The following DAB1 variants were observed in gnomAD, a reference collection of about 807,000 sequenced individuals.
DAB1 encodes the protein disabled homolog 1.
Under a neutral mutation model 64.6 loss-of-function variants are expected in DAB1, and 15 were observed. The ratio of observed to expected loss-of-function variants is 0.23; its 90% CI spans 0.16 to 0.36. DAB1 has a LOEUF of 0.36. Ranked by LOEUF, DAB1 falls within the 10% of genes least tolerant of loss-of-function variation. The pLI is 1.00. For missense variants in DAB1, 596 were observed against 706.7 expected (o/e 0.84, Z 1.78); for synonymous variants, 235 against 251.9 (o/e 0.93, Z 0.64).
chr1:57,071,365 T>G, intron 6 of DAB1, 157 bp downstream of exon 6: 1 of 853,454 alleles, frequency 1.2e-6, no homozygotes, highest in South Asian at 1.8e-5. Context: ...AAGGAATAAT[T>G]TCTAATGGCT....
At chr1:58,128,067 G>A (rs542670026) in intron 5 of DAB1, among the ~76,000 whole-genome samples, 12 of 150,860 alleles carry the variant, frequency 8.0e-5, no homozygotes, top group African/African-American at 1.9e-4. Flanking sequence ...CCATTTTCAC[G>A]ATATTGATTC....
Position 58,078,389 on chromosome 1 carries a change from T to C in DAB1, n.387+72122A>G, listed in dbSNP as rs559410181. On this transcript the variant is annotated intron_variant and non_coding_transcript_variant, in intron 5 of 20. Transcript: ENST00000485760. ...GGGGATAATTGATGTATGTTCCTCA[T>C]AGTGTCAAAGTGAGGATCAAATAGG... Among the ~76,000 whole-genome samples the C allele has an allele frequency of 1.7e-4, 26 of 152,342 alleles. 1 individual carries two copies. The South Asian group carries it at 3.3e-3, about 19-fold the overall frequency.
intron 6 of DAB1, among the ~76,000 whole-genome samples, chr1:57,789,858 T>G (rs1226418772): frequency 6.6e-6 from 1 of 152,178 alleles, no homozygotes; most frequent in Non-Finnish European, 1.5e-5. Flanking sequence ...ACCAAGAAGA[T>G]TTCTTGTCAG....
At chr1:58,162,813 A>C (rs1655612709) in intron 4 of DAB1, among the ~76,000 whole-genome samples, 1 of 152,180 alleles carries the variant, frequency 6.6e-6, no homozygotes, top group South Asian at 2.1e-4. Flanking sequence ...GCTGCTGCCA[A>C]GGGAAGGAAT....
intron 7 of DAB1, among the ~76,000 whole-genome samples, chr1:57,614,560 T>C (rs1325785192): frequency 1.3e-5 from 2 of 152,204 alleles, no homozygotes; most frequent in African/African-American, 2.4e-5. Flanking sequence ...ATTAAAACAT[T>C]TGTAAGGAGT....
chr1:58,315,706 A>T (rs1442062423), intron 4 of DAB1, among the ~76,000 whole-genome samples: 1 of 152,152 alleles, frequency 6.6e-6, no homozygotes, highest in Non-Finnish European at 1.5e-5. Context: ...TGTCACAATG[A>T]TAGGGCTGCA....
intron 6 of DAB1, among the ~76,000 whole-genome samples, chr1:57,811,926 G>A (rs1651639277): frequency 6.6e-6 from 1 of 152,174 alleles, no homozygotes. Flanking sequence ...GCTTAGCCTA[G>A]TGAGGAGATG....
At chr1:57,174,161 A>C (rs1315242966) in intron 2 of DAB1, among the ~76,000 whole-genome samples, 3 of 152,192 alleles carry the variant, frequency 2.0e-5, no homozygotes, top group Non-Finnish European at 4.4e-5. Context: ...TTCTTGCCCC[A>C]CAATTCCTAT....
intron 2 of DAB1, among the ~76,000 whole-genome samples, chr1:57,187,896 G>A (rs1024163409): frequency 6.6e-6 from 1 of 152,212 alleles, no homozygotes; most frequent in South Asian, 2.1e-4. Flanking sequence ...CACAAGGAGA[G>A]AGAGACCCCG....
intron 7 of DAB1, among the ~76,000 whole-genome samples, chr1:57,636,104 AAAAAAAAAACAAAAAC>A: frequency 6.7e-6 from 1 of 149,710 alleles, no homozygotes; most frequent in African/African-American, 2.5e-5. Context: ...CTCAAAAAAA[AAAAAAAAAACAAAAAC>A]AAAAAACTGG....
chr1:58,517,615 C>T (rs556175105), intron 2 of DAB1, among the ~76,000 whole-genome samples: 44 of 152,172 alleles, frequency 2.9e-4, no homozygotes, highest in African/African-American at 9.6e-4. Flanking sequence ...ATACTTCAAA[C>T]TTTGTTAAAA....
intron 6 of DAB1, among the ~76,000 whole-genome samples, chr1:57,698,262 A>ATTTT (rs71051246): frequency 1.4e-5 from 2 of 138,932 alleles, no homozygotes; most frequent in East Asian, 2.1e-4. Flanking sequence ...ACTTTTAAAC[A>ATTTT]TTTTTTTTTT....
At chr1:57,175,295 TTTA>T (rs1264427784) in intron 2 of DAB1, among the ~76,000 whole-genome samples, 2 of 150,288 alleles carry the variant, frequency 1.3e-5, no homozygotes, top group African/African-American at 5.0e-5. Flanking sequence ...AGGGTTTTTT[TTTA>T]TTATTTCAGA....
intron 1 of DAB1, among the ~76,000 whole-genome samples, chr1:57,407,879 C>T (rs2101048900): frequency 6.6e-6 from 1 of 152,186 alleles, no homozygotes; most frequent in African/African-American, 2.4e-5. Flanking sequence ...CCTAGATATT[C>T]ACCCGCTGGC....
At chr1:57,006,294 G>A (rs1301017737) in intron 14 of DAB1, among the ~76,000 whole-genome samples, 2 of 152,144 alleles carry the variant, frequency 1.3e-5, no homozygotes, top group East Asian at 3.8e-4. Flanking sequence ...TCTCTACTTG[G>A]AAGTCTCATG....
chr1:57,485,309 G>A (rs1405378604), intron 7 of DAB1, among the ~76,000 whole-genome samples: 2 of 152,148 alleles, frequency 1.3e-5, no homozygotes, highest in Non-Finnish European at 2.9e-5. Context: ...TATGGGGTGA[G>A]ACCCTCTAAC....
intron 9 of DAB1, among the ~76,000 whole-genome samples, chr1:57,055,898 A>G (rs549972038): frequency 6.6e-6 from 1 of 152,268 alleles, no homozygotes; most frequent in South Asian, 2.1e-4. Context: ...CTAGGATCTT[A>G]CAAAGAAGTA....
At chr1:58,128,526 T>A (rs558105885) in intron 5 of DAB1, among the ~76,000 whole-genome samples, 1 of 133,794 alleles carries the variant, frequency 7.5e-6, no homozygotes, top group Admixed American at 7.3e-5. Context: ...GGCATCCCTG[T>A]CTTGTGCCAG....
At chr1:57,536,406 T>C (rs1225728358) in intron 7 of DAB1, among the ~76,000 whole-genome samples, 2 of 152,230 alleles carry the variant, frequency 1.3e-5, no homozygotes, top group Admixed American at 6.5e-5. Flanking sequence ...CCCACAGTGA[T>C]GCTTCTGAGG....
Sources: allele counts gnomAD v4.1 joint callset (sites outside exome capture counted in the v4.1 genomes callset), GRCh38; gene constraint gnomAD v4.1.1; transcripts MANE v1.5; gene names NCBI Gene and HGNC (gene_info 2026-07-23, HGNC 2026-07-21).